The following NCOA1 variants were observed in gnomAD, a reference collection of about 807,000 sequenced individuals.
The protein encoded by NCOA1 is Hin-2 protein.
A neutral mutation model predicts 150.9 loss-of-function variants in NCOA1; 35 were observed. That is an observed-to-expected ratio of 0.23 (90% CI 0.18 to 0.31). The LOEUF (loss-of-function observed/expected upper bound fraction) is 0.31. Among genes scored for constraint, NCOA1 ranks in the 10% least tolerant of loss-of-function variants. NCOA1 has a pLI of 1.00. For missense variants in NCOA1, 1,491 were observed against 1,749.3 expected, an observed-to-expected ratio of 0.85 and a Z score of 2.63; for synonymous variants, 590 against 630.0, an observed-to-expected ratio of 0.94 and a Z score of 0.95.
chr2:24,578,055 G>A lies in NCOA1; in HGVS notation c.-259-6421G>A, dbSNP rs755440360. ...GGTAGGCAGTGACATACCTCACAAC[G>A]TACTCTTTTGCTTGGCTACTGGCAA... On this transcript the variant is annotated intron_variant, in intron 2 of 22. Transcript: ENST00000348332. 1.1e-4 allele frequency among the ~76,000 whole-genome samples: 17 copies of A among 152,084 alleles called. No individual in the cohort carries two copies. The East Asian group carries it at 2.9e-3, about 26-fold the overall frequency.
At chr2:24,745,813 C>T (rs1305503916) in intron 19 of NCOA1, among the ~76,000 whole-genome samples, 2 of 152,324 alleles carry the variant, frequency 1.3e-5, no homozygotes, top group East Asian at 3.9e-4. Flanking sequence ...TTCTGTGTTC[C>T]AGCTACAGTA....
intron 3 of NCOA1, among the ~76,000 whole-genome samples, chr2:24,586,715 A>G (rs890622715): frequency 4.6e-5 from 7 of 152,054 alleles, no homozygotes; most frequent in Non-Finnish European, 8.8e-5. Flanking sequence ...TGGCCTCCCA[A>G]AGTGTTGGGA....
At chr2:24,505,310 C>A (rs1663646686) in intron 1 of NCOA1, among the ~76,000 whole-genome samples, 1 of 152,034 alleles carries the variant, frequency 6.6e-6, no homozygotes, top group Non-Finnish European at 1.5e-5. Context: ...CCTCAGCCTC[C>A]CAAGTAGTAC....
chr2:24,508,494 C>T (rs555086657), intron 1 of NCOA1, among the ~76,000 whole-genome samples: 1 of 152,042 alleles, frequency 6.6e-6, no homozygotes, highest in African/African-American at 2.4e-5. Context: ...ATGTCATTAG[C>T]ATAATCACTT....
chr2:24,516,168 A>G (rs897111912), intron 1 of NCOA1, among the ~76,000 whole-genome samples: 5 of 149,740 alleles, frequency 3.3e-5, no homozygotes, highest in Non-Finnish European at 5.9e-5. Context: ...TCTCTTTATG[A>G]ATATAAATAG....
intron 17 of NCOA1, among the ~76,000 whole-genome samples, chr2:24,734,054 G>A (rs112156683): frequency 0.049 from 7,470 of 151,582 alleles, 252 homozygotes; most frequent in Middle Eastern, 0.086. Flanking sequence ...GTGTGGTGGC[G>A]TGTTCCCAGC....
intron 7 of NCOA1, among the ~76,000 whole-genome samples, chr2:24,681,225 A>G (rs1672148366): frequency 6.6e-6 from 1 of 152,144 alleles, no homozygotes; most frequent in South Asian, 2.1e-4. Flanking sequence ...TCAGCGGGGC[A>G]TGGTGGCACA....
At chr2:24,744,700 T>C (rs765438463) in intron 19 of NCOA1, among the ~76,000 whole-genome samples, 15 of 152,226 alleles carry the variant, frequency 9.9e-5, no homozygotes, top group Non-Finnish European at 1.9e-4. Flanking sequence ...AAAATATATG[T>C]GTTCCAACAT....
chr2:24,716,119 G>T (rs890892759), intron 14 of NCOA1, among the ~76,000 whole-genome samples: 5 of 146,576 alleles, frequency 3.4e-5, no homozygotes, highest in African/African-American at 1.2e-4. Context: ...ACTCCAGCCT[G>T]GGTGACAGAG....
At position 24,497,949 on chromosome 2, in the gene NCOA1, A is replaced by G. The variant is rs1264479569; in HGVS notation, c.-396+6347A>G. Among the ~76,000 whole-genome samples the G allele has an allele frequency of 2.6e-5, 4 of 152,248 alleles. No homozygotes were observed. The East Asian group carries it at 5.8e-4, about 22-fold the overall frequency. Reference sequence around the variant, plus strand: ...TTTATCTTAAAATTCCAGTTTGCCTATATAGTTAAAACATTTACATACTTT... The same window carrying G: ...TTTATCTTAAAATTCCAGTTTGCCTGTATAGTTAAAACATTTACATACTTT... On this transcript the variant is annotated intron_variant, in intron 1 of 22. Transcript: ENST00000348332.
chr2:24,634,412 A>G (rs1669840989), intron 3 of NCOA1, among the ~76,000 whole-genome samples: 1 of 152,184 alleles, frequency 6.6e-6, no homozygotes, highest in African/African-American at 2.4e-5. Context: ...AACAAACAAG[A>G]ATGTTTTCTA....
At chr2:24,603,001 A>G (rs1668197250) in intron 3 of NCOA1, among the ~76,000 whole-genome samples, 1 of 152,198 alleles carries the variant, frequency 6.6e-6, no homozygotes, top group Admixed American at 6.5e-5. Context: ...TTATTTTATC[A>G]AACTTTTTAA....
Position 24,768,431 on chromosome 2 carries a change from C to G in NCOA1, c.*40C>G. Reference sequence around the variant, plus strand: ...ATGTGAAATTTAAATAATAGACATACAGAGATATACAAATATATTATATAT... The same window carrying G: ...ATGTGAAATTTAAATAATAGACATAGAGAGATATACAAATATATTATATAT... On this transcript the variant is annotated 3_prime_UTR_variant, in exon 23 of 23. Transcript: ENST00000348332. 7.5e-7 allele frequency: 1 copy of G among 1,340,576 alleles called. No individual in the cohort carries two copies. Among genetic ancestry groups the G allele is most frequent in the Non-Finnish European group, 9.9e-7 (1 of 1,011,928 alleles). 83.0% of individuals were successfully genotyped at this position (1,340,576 alleles called of 1,614,324 possible). A position where few individuals can be genotyped will look rare whatever the true frequency, so the allele number is the denominator to read the frequency against.
intron 1 of NCOA1, among the ~76,000 whole-genome samples, chr2:24,536,838 G>A (rs1665168107): frequency 6.6e-6 from 1 of 152,024 alleles, no homozygotes. Context: ...ATACTTGCTG[G>A]AGGCCATTTT....
chr2:24,518,967 G>A (rs748887591), intron 1 of NCOA1, among the ~76,000 whole-genome samples: 13 of 152,150 alleles, frequency 8.5e-5, no homozygotes, highest in African/African-American at 2.7e-4. Flanking sequence ...TAGTTGACAA[G>A]CTGATTCTAA....
intron 4 of NCOA1, among the ~76,000 whole-genome samples, chr2:24,657,357 A>T (rs1027667263): frequency 6.6e-6 from 1 of 152,258 alleles, no homozygotes; most frequent in African/African-American, 2.4e-5. Context: ...GTATCTGGGA[A>T]TGAAGAAGGA....
chr2:24,686,347 G>A (rs1022399183), intron 8 of NCOA1, among the ~76,000 whole-genome samples: 1 of 152,110 alleles, frequency 6.6e-6, no homozygotes, highest in African/African-American at 2.4e-5. Context: ...ACTTCTTCCT[G>A]TACAGGGGGC....
chr2:24,642,923 T>G (rs1331495761), intron 3 of NCOA1, among the ~76,000 whole-genome samples: 3 of 152,124 alleles, frequency 2.0e-5, no homozygotes, highest in Non-Finnish European at 4.4e-5. Context: ...TGACAAAAAT[T>G]ATAGAAATAG....
chr2:24,492,135 G>A (rs1662994763), intron 1 of NCOA1: 1 of 152,166 alleles, frequency 6.6e-6, no homozygotes, highest in South Asian at 2.1e-4. Context: ...GACGGCGCTT[G>A]GGTTTGACCC....
Sources: gnomAD v4.1 joint callset for allele counts (sites outside exome capture counted in the v4.1 genomes callset) on GRCh38, gnomAD v4.1.1 for gene constraint, MANE v1.5 for transcripts, NCBI Gene and HGNC (gene_info 2026-07-23, HGNC 2026-07-21) for gene names.